ROBO2: variants seen among roughly 807,000 people sequenced by gnomAD.
ROBO2 encodes roundabout guidance receptor 2, also known as roundabout homolog 2.
ROBO2 carries 53 observed loss-of-function variants against 160.8 expected under a neutral mutation model. The ratio of observed to expected loss-of-function variants is 0.33; its 90% CI spans 0.26 to 0.41. The LOEUF (loss-of-function observed/expected upper bound fraction) is 0.41, where lower values mean the gene tolerates loss of function less well. ROBO2 is among the 10% of genes least tolerant of loss of function. The probability of loss-of-function intolerance (pLI) is 1.00; values close to 1 mark genes in which losing one functional copy is unlikely to be tolerated. For synonymous variants in ROBO2, 664 were observed against 611.7 expected, an observed-to-expected ratio of 1.09 and a Z score of -1.26; for missense variants, 1,577 against 1,722.4, an observed-to-expected ratio of 0.92 and a Z score of 1.49.
At chr3:77,565,076 G>T (rs371373671) in exon 12 of ROBO2, 1 of 1,613,672 alleles carries the variant, frequency 6.2e-7, no homozygotes, top group South Asian at 1.1e-5. Flanking sequence ...AACCCCCAAG[G>T]TCTCAGTGAC....
chr3:76,170,801 T>C (rs1009609783), intron 2 of ROBO2, among the ~76,000 whole-genome samples: 2 of 152,176 alleles, frequency 1.3e-5, no homozygotes, highest in Admixed American at 1.3e-4. Flanking sequence ...ATAATGCTAT[T>C]GAAATTAAGG....
chr3:76,170,060 G>C (rs575666187), intron 2 of ROBO2, among the ~76,000 whole-genome samples: 1 of 152,118 alleles, frequency 6.6e-6, no homozygotes, highest in African/African-American at 2.4e-5. Context: ...GATTACAGGC[G>C]TGAGCCACTA....
intron 2 of ROBO2, among the ~76,000 whole-genome samples, chr3:76,776,035 A>G (rs72894244): frequency 0.012 from 1,771 of 150,950 alleles, 30 homozygotes; most frequent in African/African-American, 0.039. Context: ...TATCATTCAC[A>G]TAATTCAATT....
chr3:76,844,489 T>C (rs1295351379), intron 2 of ROBO2, among the ~76,000 whole-genome samples: 2 of 151,912 alleles, frequency 1.3e-5, no homozygotes, highest in East Asian at 3.9e-4. Context: ...CCGTGAATAG[T>C]ATTTCAAAAA....
At chr3:77,640,097 A>ATGTTTTT (rs2095325768) in intron 24 of ROBO2, among the ~76,000 whole-genome samples, 1 of 65,440 alleles carries the variant, frequency 1.5e-5, no homozygotes, top group African/African-American at 6.5e-5. Flanking sequence ...CAGAGGAAGC[A>ATGTTTTT]TTTTTTTTTT....
At chr3:76,126,265 C>A (rs2070984569) in intron 2 of ROBO2, among the ~76,000 whole-genome samples, 1 of 152,092 alleles carries the variant, frequency 6.6e-6, no homozygotes, top group South Asian at 2.1e-4. Context: ...TCAATAGAGA[C>A]CAGTTTGCTT....
chr3:76,271,731 G>C (rs1559704120), intron 2 of ROBO2, among the ~76,000 whole-genome samples: 1 of 151,294 alleles, frequency 6.6e-6, no homozygotes, highest in Non-Finnish European at 1.5e-5. Context: ...TTTTCTCTTT[G>C]TTTCTCTCCC....
Position 76,928,878 on chromosome 3 carries a change from A to G in ROBO2, c.110-169136A>G, listed in dbSNP as rs559469797. Reference sequence around the variant, plus strand: ...TATTTTATATCCTGATGAATCTCCAATCTCTGGCCAGACATCTTTCTCATT... The same window carrying G: ...TATTTTATATCCTGATGAATCTCCAGTCTCTGGCCAGACATCTTTCTCATT... On this transcript the variant is annotated intron_variant, in intron 2 of 26. Coordinates refer to the ROBO2 transcript ENST00000487694. Among the ~76,000 whole-genome samples the G allele has an allele frequency of 5.9e-5, 9 of 152,144 alleles. No homozygotes were observed. The East Asian group carries it at 7.7e-4, about 13-fold the overall frequency.
At chr3:76,749,274 T>C (rs1576401058) in intron 2 of ROBO2, among the ~76,000 whole-genome samples, 1 of 151,960 alleles carries the variant, frequency 6.6e-6, no homozygotes, top group African/African-American at 2.4e-5. Flanking sequence ...AATTTTTTTT[T>C]CAAATATATA....
chr3:77,149,976 C>A (rs77225325), intron 2 of ROBO2, among the ~76,000 whole-genome samples: 11,299 of 152,122 alleles, frequency 0.074, 971 homozygotes, highest in East Asian at 0.22. Flanking sequence ...GAGCAAAAGA[C>A]AATGCTTCCT....
At position 77,574,711 on chromosome 3, in the gene ROBO2, G is replaced by A. The variant is rs537258385; in HGVS notation, c.2184G>A (p.Thr728=). ...AAGGAATGGATAGTGAATCTAAAAC[G>A]GTTCGTACTACTGAAGAAGGTCAGT... is the stretch of plus-strand genomic sequence containing the variant. The change falls in exon 14 of 26, where the codon ACG becomes ACA. Residue 728 remains threonine, a synonymous_variant. Transcript: ENST00000461745. The A allele has an allele frequency of 6.8e-6, 11 of 1,612,502 alleles. No individual in the cohort carries two copies. Among genetic ancestry groups the A allele is most frequent in the South Asian group, 5.5e-5 (5 of 91,040 alleles).
At chr3:76,781,921 G>T (rs2062668264) in intron 2 of ROBO2, among the ~76,000 whole-genome samples, 1 of 150,714 alleles carries the variant, frequency 6.6e-6, no homozygotes, top group Non-Finnish European at 1.5e-5. Flanking sequence ...TTTTTGGAAA[G>T]AGTCAGAGAA....
intron 4 of ROBO2, among the ~76,000 whole-genome samples, chr3:77,491,184 T>TA (rs2086061563): frequency 1.3e-5 from 2 of 152,130 alleles, no homozygotes; most frequent in Admixed American, 1.3e-4. Flanking sequence ...TGAAAGCCTC[T>TA]AGGAGTGGGT....
intron 2 of ROBO2, among the ~76,000 whole-genome samples, chr3:75,982,078 C>T (rs2065294264): frequency 6.6e-6 from 1 of 151,512 alleles, no homozygotes; most frequent in Non-Finnish European, 1.5e-5. Flanking sequence ...CCAGTTCCAT[C>T]CATATTGTTG....
chr3:76,001,060 G>GT (rs1368142610), intron 2 of ROBO2, among the ~76,000 whole-genome samples: 9 of 152,126 alleles, frequency 5.9e-5, no homozygotes, highest in Non-Finnish European at 7.4e-5. Context: ...GCAGGGGTAT[G>GT]TTGTTTGTTT....
At chr3:76,637,760 G>T (rs2090420801) in intron 2 of ROBO2, among the ~76,000 whole-genome samples, 1 of 152,084 alleles carries the variant, frequency 6.6e-6, no homozygotes, top group Admixed American at 6.6e-5. Context: ...TTTTCAAAAA[G>T]CTTTTTATAT....
At chr3:76,774,905 AGCTG>A (rs1396334148) in intron 2 of ROBO2, among the ~76,000 whole-genome samples, 1 of 150,440 alleles carries the variant, frequency 6.6e-6, no homozygotes, top group Non-Finnish European at 1.5e-5. Flanking sequence ...TTGGATGCAA[AGCTG>A]GCACGAAGGC....
intron 2 of ROBO2, among the ~76,000 whole-genome samples, chr3:76,672,772 C>T (rs2092303418): frequency 6.6e-6 from 1 of 152,162 alleles, no homozygotes; most frequent in South Asian, 2.1e-4. Flanking sequence ...TTCTTCACAA[C>T]CTCACAGACA....
At chr3:76,253,187 A>G (rs1189493020) in intron 2 of ROBO2, among the ~76,000 whole-genome samples, 1 of 152,130 alleles carries the variant, frequency 6.6e-6, no homozygotes, top group Non-Finnish European at 1.5e-5. Flanking sequence ...AGAAATGTGT[A>G]TCAATTTTAA....
Sources: gnomAD v4.1 joint callset for allele counts (sites outside exome capture counted in the v4.1 genomes callset) on GRCh38, gnomAD v4.1.1 for gene constraint, MANE v1.5 for transcripts, NCBI Gene and HGNC (gene_info 2026-07-23, HGNC 2026-07-21) for gene names.